The following PCDHGA7 variants were observed in gnomAD, a reference collection of about 807,000 sequenced individuals.
PCDHGA7 encodes the protein protocadherin gamma subfamily A, 7.
PCDHGA7 carries 44 observed loss-of-function variants against 58.3 expected under a neutral mutation model. The ratio of observed to expected loss-of-function variants is 0.75; its 90% confidence interval spans 0.59 to 0.97. The LOEUF (loss-of-function observed/expected upper bound fraction) is 0.97. PCDHGA7 is among the 50% of genes least tolerant of loss of function. The probability of loss-of-function intolerance (pLI) is 0.00; values close to 1 mark genes in which losing one functional copy is unlikely to be tolerated. For synonymous variants in PCDHGA7, 516 were observed against 504.2 expected (o/e 1.02, Z -0.31); for missense variants, 1,266 against 1,188.7 (o/e 1.06, Z -0.96).
At chr5:141,390,458 G>A (rs1037400063) in intron 1 of PCDHGA7, 7 of 754,546 alleles carry the variant, frequency 9.3e-6, no homozygotes, top group Non-Finnish European at 1.5e-5. Context: ...AGTAAAGTAG[G>A]AGCAATTGTG....
intron 1 of PCDHGA7, chr5:141,414,831 G>C: frequency 4.3e-6 from 7 of 1,614,212 alleles, no homozygotes; most frequent in Non-Finnish European, 5.9e-6. Flanking sequence ...ACGTGTCGTT[G>C]AGCCTGTTTG....
At chr5:141,424,577 A>T (rs958508704) in intron 1 of PCDHGA7, 1 of 152,206 alleles carries the variant, frequency 6.6e-6, no homozygotes, top group Non-Finnish European at 1.5e-5. Context: ...ACCTATTTTC[A>T]AATGTGCTAA....
At chr5:141,389,326 C>T (rs763831269) in intron 1 of PCDHGA7, 1 of 1,613,994 alleles carries the variant, frequency 6.2e-7, no homozygotes, top group Admixed American at 1.7e-5. Flanking sequence ...GACTTGGGGC[C>T]CAACGGCCAA....
In PCDHGA7 at chr5:141,431,118, A is replaced by T. The variant is rs2097344347; in HGVS notation, c.2424+45795A>T. On this transcript the variant is annotated intron_variant, in intron 1 of 3. Coordinates refer to ENST00000518325, the MANE Select transcript of PCDHGA7 (RefSeq NM_018920.4). This position sits in a 1 kb window ranked among gnomAD's most constrained non-coding sequence, Gnocchi z 4.8. ...GATAAAGTGAAAATATATGGAGTAG[A>T]AGTAGAAGTAAGGGACATTAACGAC... is the stretch of plus-strand genomic sequence containing the variant. The T allele has an allele frequency of 6.2e-7, 1 of 1,614,182 alleles. No homozygotes were observed. Among genetic ancestry groups the T allele is most frequent in the African/African-American group, 1.3e-5 (1 of 75,070 alleles).
At chr5:141,389,754 G>A (rs370987485) in intron 1 of PCDHGA7, 3 of 1,612,772 alleles carry the variant, frequency 1.9e-6, no homozygotes, top group South Asian at 2.2e-5. Context: ...CACGGGCGAA[G>A]TGCGCACAGC....
chr5:141,487,608 G>A lies in PCDHGA7; in HGVS notation c.2425-7199G>A, dbSNP rs970411391. On this transcript the variant is annotated intron_variant, in intron 1 of 3. Coordinates refer to ENST00000518325, the MANE Select transcript of PCDHGA7 (RefSeq NM_018920.4). The surrounding 1 kb of genome is among the most constrained non-coding windows in gnomAD (Gnocchi z 5.0). ...TGCCCACCCTCTGATCTTCTCTATG[G>A]GCTAGAGGTGAGACCTTTGCAGGCT... 1 of 1,614,182 alleles carries A rather than the reference G, an allele frequency of 6.2e-7. No individual in the cohort carries two copies. Among genetic ancestry groups the A allele is most frequent in the African/African-American group, 1.3e-5 (1 of 75,050 alleles).
At chr5:141,418,665 A>T in intron 1 of PCDHGA7, 1 of 1,614,070 alleles carries the variant, frequency 6.2e-7, no homozygotes, top group Non-Finnish European at 8.5e-7. Context: ...GCCACTGACC[A>T]GGACGAGGGC....
At chr5:141,441,655 C>A in intron 1 of PCDHGA7, 1 of 247,430 alleles carries the variant, frequency 4.0e-6, no homozygotes. Context: ...TTCTAGGTGT[C>A]CTTGAGCGCA....
intron 1 of PCDHGA7, chr5:141,408,394 C>T: frequency 6.2e-7 from 1 of 1,614,034 alleles, no homozygotes; most frequent in Non-Finnish European, 8.5e-7. Flanking sequence ...TGTCGGCTCG[C>T]AAGCTGCGAG....
rs758463890 is a variant in PCDHGA7 at position 141,394,966 on chromosome 5, G to A, written c.2424+9643G>A. On this transcript the variant is annotated intron_variant, in intron 1 of 3. Coordinates refer to ENST00000518325, the MANE Select transcript of PCDHGA7 (RefSeq NM_018920.4). ...GTGCTTCTGGGGCTCAGGCTGAGGCGCTGGCACAAGTCACGCCTGCTCCAG... is the reference window on the plus strand; with the variant it reads ...GTGCTTCTGGGGCTCAGGCTGAGGCACTGGCACAAGTCACGCCTGCTCCAG... 11 of 1,613,768 alleles carry A rather than the reference G, an allele frequency of 6.8e-6. No homozygotes were observed. In the African/African-American group the frequency reaches 9.3e-5, roughly 14 times the overall value.
At position 141,476,294 on chromosome 5, in the gene PCDHGA7, A is replaced by T. The variant is rs376905832; in HGVS notation, c.2425-18513A>T. On this transcript the variant is annotated intron_variant, in intron 1 of 3. Coordinates refer to ENST00000518325, the MANE Select transcript of PCDHGA7 (RefSeq NM_018920.4). The surrounding 1 kb of genome is among the most constrained non-coding windows in gnomAD (Gnocchi z 7.6). ...CGCGAACCTTGGTTTGGATCTCGGT[A>T]GCCTCTCAGCCCGCAGGTTCCGGGT... is the stretch of plus-strand genomic sequence containing the variant. 2 of 1,613,036 alleles carry T rather than the reference A, an allele frequency of 1.2e-6. No homozygotes were observed. The highest frequency in any genetic ancestry group is 1.7e-6 in the Non-Finnish European group (2 of 1,179,642).
intron 1 of PCDHGA7, among the ~76,000 whole-genome samples, chr5:141,425,919 G>A (rs11167745): frequency 2.0e-5 from 3 of 152,174 alleles, no homozygotes; most frequent in East Asian, 1.9e-4. Flanking sequence ...CAGTCACTAC[G>A]AAAACTCATA....
chr5:141,404,001 C>T, intron 1 of PCDHGA7: 8 of 1,613,870 alleles, frequency 5.0e-6, no homozygotes, highest in South Asian at 1.1e-5. Context: ...GTGACCATTA[C>T]ATCTCTGTTT....
intron 1 of PCDHGA7, among the ~76,000 whole-genome samples, chr5:141,453,258 T>A (rs1336801456): frequency 1.6e-4 from 25 of 152,096 alleles, no homozygotes; most frequent in Admixed American, 1.6e-3. Flanking sequence ...GGGCTGCAAG[T>A]GCACACCACC....
rs148995268 is a variant in PCDHGA7, at chr5:141,486,253, C to T, written c.2425-8554C>T. On this transcript the variant is annotated intron_variant, in intron 1 of 3. Coordinates refer to ENST00000518325, the MANE Select transcript of PCDHGA7 (RefSeq NM_018920.4). The surrounding 1 kb of genome is among the most constrained non-coding windows in gnomAD (Gnocchi z 5.0). The stretch of plus-strand genomic sequence containing the variant: ...TGACCTCAGAGCTTGGAACCCTCCC[C>T]GAGAGTGCAGAACCTGGCACTGTGG... 8 of 1,614,020 alleles carry T rather than the reference C, an allele frequency of 5.0e-6. No individual in the cohort carries two copies. The African/African-American group carries it at 8.0e-5, about 16-fold the overall frequency.
At chr5:141,422,847 C>T (rs1271794821) in intron 1 of PCDHGA7, 2 of 1,614,116 alleles carry the variant, frequency 1.2e-6, no homozygotes, top group Non-Finnish European at 1.7e-6. Context: ...ACAGCGGGGA[C>T]CCGCCCCTCA....
chr5:141,416,532 A>T (rs3806830), intron 1 of PCDHGA7: 1 of 152,142 alleles, frequency 6.6e-6, no homozygotes, highest in Non-Finnish European at 1.5e-5. Context: ...TCTTTAATGT[A>T]TAAGGAGGCA....
intron 1 of PCDHGA7, chr5:141,394,374 G>A: frequency 1.2e-6 from 2 of 1,614,172 alleles, no homozygotes; most frequent in South Asian, 1.1e-5. Flanking sequence ...GCAATCTTTC[G>A]ACTATGAGCA....
chr5:141,410,090 C>G (rs369832481), intron 1 of PCDHGA7: 3 of 1,612,358 alleles, frequency 1.9e-6, no homozygotes, highest in South Asian at 2.2e-5. Context: ...GCGCACGGCT[C>G]GAGCCTTAGG....
Sources: gnomAD v4.1 joint callset for allele counts (sites outside exome capture counted in the v4.1 genomes callset) on GRCh38, gnomAD v4.1.1 for gene constraint, Gnocchi (gnomAD v3.1) non-coding constraint, MANE v1.5 for transcripts, NCBI Gene and HGNC (gene_info 2026-07-23, HGNC 2026-07-21) for gene names.